The following WARS2 variants were observed in gnomAD, a reference collection of about 807,000 sequenced individuals.
The protein encoded by WARS2 is tryptophanyl tRNA synthetase 2, mitochondrial, also known as tryptophan--tRNA ligase, mitochondrial.
Under a neutral mutation model 36.5 loss-of-function variants are expected in WARS2, and 28 were observed. That is an observed-to-expected ratio of 0.77 (90% CI 0.57 to 1.05). WARS2 has a LOEUF of 1.05. Among genes scored for constraint, WARS2 ranks in the 50% least tolerant of loss-of-function variants. The probability of loss-of-function intolerance (pLI) is 0.00; values close to 1 mark genes in which losing one functional copy is unlikely to be tolerated. For missense variants in WARS2, 435 were observed against 456.8 expected (o/e 0.95, Z 0.44); for synonymous variants, 174 against 178.4 (o/e 0.98, Z 0.20).
chr1:119,092,882 T>C (rs1196368438), intron 1 of WARS2, among the ~76,000 whole-genome samples: 1 of 152,220 alleles, frequency 6.6e-6, no homozygotes, highest in Non-Finnish European at 1.5e-5. Flanking sequence ...TGTTTCTCAA[T>C]ACAATTTCAT....
At chr1:119,069,499 G>A (rs1309173911) in intron 2 of WARS2, among the ~76,000 whole-genome samples, 1 of 152,022 alleles carries the variant, frequency 6.6e-6, no homozygotes, top group African/African-American at 2.4e-5. Flanking sequence ...TGTAAGTTAA[G>A]GACTGATTTA....
At position 119,121,951 on chromosome 1, in the gene WARS2, A is replaced by T. The variant is rs146378631; in HGVS notation, c.90+18604T>A. ...AAACCTAAAAATTCTAGGAGATAAC[A>T]TCAGAAAAATTCTCCTAGATACTGG... is the stretch of plus-strand genomic sequence containing the variant. On this transcript the variant is annotated intron_variant, in intron 1 of 5. Transcript: ENST00000235521. Among the ~76,000 whole-genome samples, 15 of 152,212 alleles carry T rather than the reference A, an allele frequency of 9.9e-5. No homozygotes were observed. In the East Asian group the frequency reaches 2.7e-3, roughly 27 times the overall value.
chr1:119,037,899 A>C (rs1373213722), intron 4 of WARS2, among the ~76,000 whole-genome samples: 1 of 152,218 alleles, frequency 6.6e-6, no homozygotes. Flanking sequence ...CCCATATTAG[A>C]CTAGTGAAAT....
chr1:119,033,984 C>A, intron 5 of WARS2, 111 bp downstream of exon 5: 3 of 839,890 alleles, frequency 3.6e-6, no homozygotes, highest in South Asian at 1.7e-5. Context: ...GATCCTGAAG[C>A]CTGTCTACAA....
chr1:119,106,078 G>A (rs1322280344), intron 1 of WARS2, among the ~76,000 whole-genome samples: 1 of 152,108 alleles, frequency 6.6e-6, no homozygotes, highest in Non-Finnish European at 1.5e-5. Flanking sequence ...GGAAGACAAC[G>A]GAATAAAAAC....
At chr1:119,086,199 T>C (rs1281398779) in intron 1 of WARS2, among the ~76,000 whole-genome samples, 4 of 152,164 alleles carry the variant, frequency 2.6e-5, no homozygotes, top group Non-Finnish European at 5.9e-5. Flanking sequence ...AAGTGTTCAT[T>C]CTGGGGGTAT....
chr1:119,035,703 G>A (rs978590389), intron 4 of WARS2, among the ~76,000 whole-genome samples: 3 of 152,112 alleles, frequency 2.0e-5, no homozygotes, highest in African/African-American at 7.2e-5. Context: ...TCACAGACCT[G>A]GGCAGTGATC....
intron 1 of WARS2, among the ~76,000 whole-genome samples, chr1:119,102,919 G>A (rs1222413179): frequency 2.0e-5 from 3 of 152,134 alleles, no homozygotes; most frequent in African/African-American, 7.2e-5. Context: ...TCACTTTCAT[G>A]AAGCTACACT....
At chr1:119,052,193 T>C (rs1365776635) in intron 2 of WARS2, among the ~76,000 whole-genome samples, 3 of 152,198 alleles carry the variant, frequency 2.0e-5, no homozygotes, top group East Asian at 1.9e-4. Flanking sequence ...TATCAATCAA[T>C]TGATTCAAGC....
rs1450936966 is a variant in WARS2, at chr1:119,033,115, G to A, written c.879C>T (p.Arg293=). 1 of 1,614,074 alleles carries A rather than the reference G, an allele frequency of 6.2e-7. No homozygotes were observed. The highest frequency in any genetic ancestry group is 2.2e-5 in the East Asian group (1 of 44,904). Residue 293 remains arginine, a synonymous_variant, in exon 6 of 6, where the codon CGC becomes CGT. Transcript: ENST00000235521. ...AGCGAGCAGTGTTCATGCCCGCGCT[G>A]CGGCGCACCACTTCCTCCACGGAGA... ...TGLSVEEVVR[R]SAGMNTARYK... is the part of the protein sequence containing the mutation.
intron 1 of WARS2, among the ~76,000 whole-genome samples, chr1:119,127,476 T>C (rs1361511691): frequency 6.6e-6 from 1 of 152,178 alleles, no homozygotes; most frequent in Non-Finnish European, 1.5e-5. Flanking sequence ...TTCTTATCGA[T>C]GTTATAAATG....
chr1:119,130,221 T>C (rs1261832211), intron 1 of WARS2, among the ~76,000 whole-genome samples: 1 of 152,172 alleles, frequency 6.6e-6, no homozygotes, highest in Non-Finnish European at 1.5e-5. Flanking sequence ...TACTCTTGAT[T>C]ATAAAAGCAA....
intron 1 of WARS2, among the ~76,000 whole-genome samples, chr1:119,136,200 G>C (rs755378316): frequency 1.1e-4 from 16 of 151,926 alleles, no homozygotes; most frequent in Non-Finnish European, 1.9e-4. Flanking sequence ...GCAGTCATTC[G>C]AAAGATATAC....
intron 2 of WARS2, among the ~76,000 whole-genome samples, chr1:119,053,292 T>C (rs1419516480): frequency 2.0e-5 from 3 of 152,070 alleles, no homozygotes. Context: ...AAGGAAGAGA[T>C]AGTAGCAATG....
chr1:119,124,396 A>T (rs1655518928), intron 1 of WARS2, among the ~76,000 whole-genome samples: 1 of 152,158 alleles, frequency 6.6e-6, no homozygotes, highest in African/African-American at 2.4e-5. Flanking sequence ...ATGCTGAGGC[A>T]GGAGAATCGC....
At chr1:119,070,641 G>A (rs1451135655) in intron 2 of WARS2, among the ~76,000 whole-genome samples, 3 of 151,914 alleles carry the variant, frequency 2.0e-5, no homozygotes, top group African/African-American at 7.2e-5. Context: ...ACTTTGGGAG[G>A]CTGTGACAAG....
At chr1:119,085,983 T>C (rs1473338120) in intron 1 of WARS2, 1 of 1,606,196 alleles carries the variant, frequency 6.2e-7, no homozygotes, top group East Asian at 2.2e-5. Flanking sequence ...AGCGTTCAGG[T>C]ATCAGTGCCC....
chr1:119,085,987 A>G (rs1276544477), intron 1 of WARS2: 4 of 1,605,134 alleles, frequency 2.5e-6, no homozygotes, highest in Non-Finnish European at 3.4e-6. Context: ...TTCAGGTATC[A>G]GTGCCCAGGC....
chr1:119,075,154 G>GTATATATA (rs774946774), intron 2 of WARS2, among the ~76,000 whole-genome samples: 28 of 151,116 alleles, frequency 1.9e-4, no homozygotes, highest in African/African-American at 5.6e-4. Context: ...AAAAATTAGT[G>GTATATATA]TATATATATA....
Sources: gnomAD v4.1 joint callset for allele counts (sites outside exome capture counted in the v4.1 genomes callset) on GRCh38, gnomAD v4.1.1 for gene constraint, MANE v1.5 for transcripts, NCBI Gene and HGNC (gene_info 2026-07-23, HGNC 2026-07-21) for gene names.